GRK5: variants seen among roughly 807,000 people sequenced by gnomAD.
GRK5 encodes g protein-coupled receptor kinase GRK5.
A neutral mutation model predicts 78.4 loss-of-function variants in GRK5; 40 were observed. The observed-to-expected ratio is 0.51, with a 90% CI of 0.40 to 0.66. GRK5 has a LOEUF of 0.66. GRK5 is among the 30% of genes least tolerant of loss of function. The pLI is 0.00. For missense variants in GRK5, 598 were observed against 759.9 expected, an observed-to-expected ratio of 0.79 and a Z score of 2.50; for synonymous variants, 289 against 296.8, an observed-to-expected ratio of 0.97 and a Z score of 0.27.
At chr10:119,444,129 C>A (rs1332167373) in intron 12 of GRK5, among the ~76,000 whole-genome samples, 1 of 152,120 alleles carries the variant, frequency 6.6e-6, no homozygotes, top group Non-Finnish European at 1.5e-5. Context: ...GCCCGTGGGC[C>A]TCCTGCTCCC....
chr10:119,302,027 AG>A (rs990767773), intron 1 of GRK5, among the ~76,000 whole-genome samples: 1 of 152,234 alleles, frequency 6.6e-6, no homozygotes, highest in African/African-American at 2.4e-5. Context: ...CAAGCAATGA[AG>A]GAACGCTGCA....
At chr10:119,237,683 C>T (rs184785879) in intron 1 of GRK5, among the ~76,000 whole-genome samples, 208 of 149,180 alleles carry the variant, frequency 1.4e-3, no homozygotes, top group Non-Finnish European at 1.7e-3. Context: ...TTCAGGGAGC[C>T]GGAGAGGGGG....
intron 1 of GRK5, among the ~76,000 whole-genome samples, chr10:119,296,123 G>C (rs1201274908): frequency 6.6e-6 from 1 of 152,146 alleles, no homozygotes; most frequent in African/African-American, 2.4e-5. Context: ...AAGGACCCAG[G>C]CTCTTCTTAT....
chr10:119,335,168 CTCTCTCT>C (rs1850856294), intron 2 of GRK5, among the ~76,000 whole-genome samples: 95 of 142,938 alleles, frequency 6.6e-4, no homozygotes, highest in African/African-American at 2.0e-3. Flanking sequence ...CTCTCTCTCT[CTCTCTCT>C]CCCCCTCTCC....
rs1216070478 is a variant in GRK5, at chr10:119,326,564, T to C, written c.101T>C (p.Leu34Pro). 7 of 1,614,062 alleles carry C rather than the reference T, an allele frequency of 4.3e-6. No individual in the cohort carries two copies. The highest frequency in any genetic ancestry group is 5.9e-6 in the Non-Finnish European group (7 of 1,180,012). The change falls in exon 2 of 16, where the codon CTG (leucine) becomes CCG (proline). Residue 34 changes from leucine (L) to proline (P), a missense_variant. Transcript: ENST00000392870. ...KGKSKKWKEI[L>P]KFPHISQCED... ...AAAAGCAAGAAGTGGAAAGAAATCC[T>C]GAAGTTCCCTCACATTAGCCAGTGT...
chr10:119,431,847 C>T lies in GRK5; in HGVS notation c.738+320C>T, dbSNP rs1232608852. 2.0e-5 allele frequency among the ~76,000 whole-genome samples: 3 copies of T among 152,248 alleles called. No homozygotes were observed. The highest frequency in any genetic ancestry group is 2.9e-5 in the Non-Finnish European group (2 of 68,040). On this transcript the variant is annotated intron_variant, in intron 8 of 15. Coordinates refer to ENST00000392870, the MANE Select transcript of GRK5 (RefSeq NM_005308.3). This position sits in a 1 kb window ranked among gnomAD's most constrained non-coding sequence, Gnocchi z 4.8. ...CAAAGAAAGTTCACCTGGGCCCAGG[C>T]TGGGAGCTGTGGGTTCCACAGACCC...
Position 119,326,506 on chromosome 10 carries a change from ATC to A in GRK5, c.53-6_53-5del, listed in dbSNP as rs1850681799. Reference sequence around the variant, plus strand: ...GCCTCAGCCAGGCATCTTTTTCCCCATCTCTGCAGGGGGCGGAGGAAAGCGCA... The same window carrying A: ...GCCTCAGCCAGGCATCTTTTTCCCCATCTGCAGGGGGCGGAGGAAAGCGCA... On this transcript the variant is annotated splice_polypyrimidine_tract_variant and splice_region_variant and intron_variant, in intron 1 of 15. Transcript: ENST00000392870. 2.5e-6 allele frequency: 4 copies of A among 1,610,826 alleles called. No homozygotes were observed. The East Asian group carries it at 8.9e-5, about 36-fold the overall frequency.
At chr10:119,312,323 C>A (rs1850372831) in intron 1 of GRK5, among the ~76,000 whole-genome samples, 1 of 152,134 alleles carries the variant, frequency 6.6e-6, no homozygotes, top group African/African-American at 2.4e-5. Context: ...GAGAGCTGTG[C>A]AAAAGCTGCA....
In GRK5 at chr10:119,431,289, C is replaced by T; in HGVS notation, c.598-98C>T. The T allele has an allele frequency of 7.2e-7, 1 of 1,396,266 alleles. No individual in the cohort carries two copies. Among genetic ancestry groups the T allele is most frequent in the East Asian group, 2.4e-5 (1 of 42,084 alleles). The allele number at this position is 1,396,266 out of a possible 1,614,324, so 86.5% of individuals were successfully genotyped here. A position where few individuals can be genotyped will look rare whatever the true frequency, so the allele number is the denominator to read the frequency against. ...AGGCAGGGCCGGCTCTGACCCCATC[C>T]ATTCTCTACCTGGGAGGCCTGTGGT... On this transcript the variant is annotated intron_variant, in intron 7 of 15. Coordinates refer to ENST00000392870, the MANE Select transcript of GRK5 (RefSeq NM_005308.3). This position sits in a 1 kb window ranked among gnomAD's most constrained non-coding sequence, Gnocchi z 4.8.
intron 1 of GRK5, among the ~76,000 whole-genome samples, chr10:119,310,796 G>A (rs574647198): frequency 2.0e-5 from 3 of 152,286 alleles, no homozygotes; most frequent in South Asian, 4.1e-4. Flanking sequence ...GCACATTTTC[G>A]AATCGACCCT....
At chr10:119,245,881 A>G (rs1389905052) in intron 1 of GRK5, among the ~76,000 whole-genome samples, 3 of 151,788 alleles carry the variant, frequency 2.0e-5, no homozygotes, top group African/African-American at 7.3e-5. Context: ...TTAGCTGGGC[A>G]TGGTGGCGGG....
intron 2 of GRK5, among the ~76,000 whole-genome samples, chr10:119,335,736 C>T (rs188959587): frequency 5.0e-4 from 76 of 152,390 alleles, no homozygotes; most frequent in East Asian, 1.9e-4. Context: ...GGCATTGCTG[C>T]AGTCACCGGA....
intron 2 of GRK5, among the ~76,000 whole-genome samples, chr10:119,355,678 G>T (rs145626576): frequency 0.033 from 5,004 of 152,246 alleles, 164 homozygotes; most frequent in African/African-American, 0.085. Context: ...TACTCAGGAG[G>T]CTGAGGCAGG....
chr10:119,260,009 T>G (rs1849347117), intron 1 of GRK5, among the ~76,000 whole-genome samples: 2 of 152,252 alleles, frequency 1.3e-5, no homozygotes, highest in East Asian at 1.9e-4. Flanking sequence ...ATCAGTTGTT[T>G]TTTTTTTTGA....
intron 3 of GRK5, among the ~76,000 whole-genome samples, chr10:119,381,778 G>T (rs886738868): frequency 6.6e-6 from 1 of 152,114 alleles, no homozygotes; most frequent in Non-Finnish European, 1.5e-5. Context: ...TGCAGGGGCC[G>T]AGAGGCTGCT....
At chr10:119,257,714 ACT>A (rs1044252113) in intron 1 of GRK5, among the ~76,000 whole-genome samples, 4 of 151,940 alleles carry the variant, frequency 2.6e-5, no homozygotes, top group Admixed American at 6.5e-5. Flanking sequence ...ACAGAGCGAG[ACT>A]CTGTCTAAAC....
At position 119,409,267 on chromosome 10, in the gene GRK5, A is replaced by G. The variant is rs557309776; in HGVS notation, c.339+12495A>G. ...CCACCCCTCACCAACCTTTCCTGGA[A>G]AACAAATTGTCTTTGCCCACAGCCT... On this transcript the variant is annotated intron_variant, in intron 4 of 15. Coordinates refer to ENST00000392870, the MANE Select transcript of GRK5 (RefSeq NM_005308.3). Among the ~76,000 whole-genome samples the G allele has an allele frequency of 2.0e-5, 3 of 152,336 alleles. No homozygotes were observed. The East Asian group carries it at 5.8e-4, about 29-fold the overall frequency.
chr10:119,333,496 T>C (rs1033622896), intron 2 of GRK5: 8 of 265,084 alleles, frequency 3.0e-5, no homozygotes, highest in African/African-American at 4.5e-5. Context: ...CCACCACCCA[T>C]TGGTGGTGGA....
chr10:119,313,635 G>A (rs1191512390), intron 1 of GRK5, among the ~76,000 whole-genome samples: 4 of 152,086 alleles, frequency 2.6e-5, no homozygotes, highest in South Asian at 2.1e-4. Context: ...CTGTCAGGGA[G>A]GGGAGGTAGC....
Sources: gnomAD v4.1 joint callset for allele counts (sites outside exome capture counted in the v4.1 genomes callset) on GRCh38, gnomAD v4.1.1 for gene constraint, Gnocchi (gnomAD v3.1) non-coding constraint, MANE v1.5 for transcripts, NCBI Gene and HGNC (gene_info 2026-07-23, HGNC 2026-07-21) for gene names.